The following CXorf58 variants were observed in gnomAD, a reference collection of about 807,000 sequenced individuals.
CXorf58 encodes the protein uncharacterized protein CXorf58.
A neutral mutation model predicts 26.0 loss-of-function variants in CXorf58; 24 were observed. That is an observed-to-expected ratio of 0.92 (90% CI 0.67 to 1.30). CXorf58 has a LOEUF of 1.30. CXorf58 is among the 50% of genes most tolerant of loss of function. The pLI, the probability that CXorf58 is intolerant of heterozygous loss-of-function variation, is 0.00. For synonymous variants in CXorf58, 87 were observed against 86.1 expected (o/e 1.01, Z -0.06); for missense variants, 236 against 263.9 (o/e 0.89, Z 0.73).
chrX:23,921,706 T>G (rs1203774674), intron 5 of CXorf58, among the ~76,000 whole-genome samples: 4 of 111,247 alleles, frequency 3.6e-5, no homozygotes, highest in Non-Finnish European at 5.7e-5. Context: ...TGTTGTTGTT[T>G]TTTAGACAAG....
intron 3 of CXorf58, 32 bp from the exon 4 acceptor site, chrX:23,915,668 C>T (rs1208425130): frequency 3.3e-6 from 3 of 920,600 alleles, no homozygotes; most frequent in African/African-American, 3.9e-5. Flanking sequence ...TGGGATACTG[C>T]TTTCCTTTTA....
intron 5 of CXorf58, among the ~76,000 whole-genome samples, chrX:23,917,390 T>C (rs1392456785): frequency 9.0e-6 from 1 of 110,594 alleles, no homozygotes; most frequent in Non-Finnish European, 1.9e-5. Flanking sequence ...TTATCCTTTT[T>C]TCACATGAAT....
At chrX:23,936,809 G>A (rs887605211) in intron 7 of CXorf58, among the ~76,000 whole-genome samples, 17 of 111,298 alleles carry the variant, frequency 1.5e-4, no homozygotes, top group South Asian at 3.8e-4. Flanking sequence ...CCAGACAGAT[G>A]GCCTGGTTTA....
intron 6 of CXorf58, among the ~76,000 whole-genome samples, chrX:23,931,327 G>C (rs1038851037): frequency 2.7e-5 from 3 of 112,290 alleles, no homozygotes; most frequent in African/African-American, 9.7e-5. Context: ...CTGGAAGAGA[G>C]AGATAAGATC....
chrX:23,917,347 A>AG lies in CXorf58; in HGVS notation c.423+1019_423+1020insG, dbSNP rs201795578. On this transcript the variant is annotated intron_variant, in intron 5 of 8. Coordinates refer to ENST00000379211, the MANE Select transcript of CXorf58 (RefSeq NM_152761.3). Reference sequence around the variant, plus strand: ...GAGATTCTATCTCAAAAAAAAAAAAAAAAAGAAAGAAAGAAAATGAACTTT... The same window carrying AG: ...GAGATTCTATCTCAAAAAAAAAAAAAGAAAAGAAAGAAAGAAAATGAACTTT... Among the ~76,000 whole-genome samples the AG allele has an allele frequency of 6.5e-3, 699 of 108,196 alleles. 9 individuals carry two copies. Among genetic ancestry groups the AG allele is most frequent in the African/African-American group, 0.023 (674 of 29,735 alleles). 94.0% of individuals were successfully genotyped at this position (108,196 alleles called of 115,157 possible).
rs1413323852 is a variant in CXorf58, at chrX:23,916,528, A to T, written c.423+200A>T. 3.5e-5 allele frequency: 10 copies of T among 282,692 alleles called. No individual in the cohort carries two copies. In the Admixed American group the frequency reaches 6.3e-4, roughly 18 times the overall value. 23.3% of individuals were successfully genotyped at this position (282,692 alleles called of 1,213,427 possible). Reference sequence around the variant, plus strand: ...AAAAAAAAAAAAAAAAGACATTTGGAGTGAATTACTTAATTAAGGCTCTAG... The same window carrying T: ...AAAAAAAAAAAAAAAAGACATTTGGTGTGAATTACTTAATTAAGGCTCTAG... On this transcript the variant is annotated intron_variant, in intron 5 of 8. Coordinates refer to ENST00000379211, the MANE Select transcript of CXorf58 (RefSeq NM_152761.3).
chrX:23,912,079 G>GT (rs760984453), intron 3 of CXorf58, among the ~76,000 whole-genome samples: 169 of 109,163 alleles, frequency 1.5e-3, no homozygotes, highest in African/African-American at 5.3e-3. Context: ...AGCCTCCCAA[G>GT]TAGCTGGGAC....
At chrX:23,910,188 A>G in intron 1 of CXorf58, 95 bp from the exon 2 acceptor site, 4 of 432,683 alleles carry the variant, frequency 9.2e-6, no homozygotes, top group Non-Finnish European at 1.2e-5. Flanking sequence ...TAAAGGATTC[A>G]GAATTAGTAC....
chrX:23,917,130 T>A lies in CXorf58; in HGVS notation c.423+802T>A, dbSNP rs1277300013. Among the ~76,000 whole-genome samples the A allele has an allele frequency of 8.5e-5, 9 of 105,534 alleles. No homozygotes were observed. In the East Asian group the frequency reaches 1.2e-3, roughly 14 times the overall value. 91.6% of individuals were successfully genotyped at this position (105,534 alleles called of 115,157 possible). A position where few individuals can be genotyped will look rare whatever the true frequency, so the allele number is the denominator to read the frequency against. The stretch of plus-strand genomic sequence containing the variant: ...CGGGCGAATCACCTGAGGTCAGGAG[T>A]TCAAGACCAGCCTGGCCAACATGGT... On this transcript the variant is annotated intron_variant, in intron 5 of 8. Coordinates refer to ENST00000379211, the MANE Select transcript of CXorf58 (RefSeq NM_152761.3).
chrX:23,919,303 A>G (rs1040051544), intron 5 of CXorf58, among the ~76,000 whole-genome samples: 6 of 111,773 alleles, frequency 5.4e-5, no homozygotes, highest in African/African-American at 2.0e-4. Context: ...ATTTTCAAAT[A>G]GCCTATCTTC....
intron 5 of CXorf58, among the ~76,000 whole-genome samples, chrX:23,917,124 C>G (rs1408619206): frequency 2.8e-5 from 3 of 108,587 alleles, no homozygotes; most frequent in South Asian, 4.0e-4. Flanking sequence ...CACCTGAGGT[C>G]AGGAGTTCAA....
Position 23,927,285 on chromosome X carries a change from G to T in CXorf58, c.470G>T (p.Arg157Leu). Residue 157 changes from arginine to leucine, a missense_variant, in exon 6 of 9, where the codon CGT (arginine) becomes CTT (leucine). Physicochemically the swap from Arg to Leu is moderately radical, Grantham distance 102. Coordinates refer to ENST00000379211, the MANE Select transcript of CXorf58 (RefSeq NM_152761.3). Reference sequence around the variant, plus strand: ...CTAATGGGGGAAAGGAAATTTCACCGTATAATTATGGAAGATGAACGTATT... The same window carrying T: ...CTAATGGGGGAAAGGAAATTTCACCTTATAATTATGGAAGATGAACGTATT... ...CKLMGERKFH[R>L]IIMEDERIFP... The T allele has an allele frequency of 8.6e-7, 1 of 1,159,970 alleles. No individual in the cohort carries two copies. Among genetic ancestry groups the T allele is most frequent in the African/African-American group, 1.8e-5 (1 of 55,935 alleles).
intron 6 of CXorf58, among the ~76,000 whole-genome samples, chrX:23,931,418 G>A (rs1928164872): frequency 8.9e-6 from 1 of 111,842 alleles, no homozygotes; most frequent in Non-Finnish European, 1.9e-5. Flanking sequence ...TCATCTTCAA[G>A]TTTGTAAATT....
intron 5 of CXorf58, among the ~76,000 whole-genome samples, chrX:23,921,688 G>T (rs181476606): frequency 8.7e-4 from 96 of 110,409 alleles, no homozygotes; most frequent in Non-Finnish European, 9.5e-4. Context: ...TTTGTTTTTT[G>T]TTGTTGTTGT....
intron 5 of CXorf58, among the ~76,000 whole-genome samples, chrX:23,916,863 C>T (rs369646429): frequency 1.0e-4 from 11 of 105,862 alleles, no homozygotes; most frequent in Admixed American, 6.1e-4. Flanking sequence ...GCACTCCAGC[C>T]TGGGCGACAC....
In CXorf58 at chrX:23,910,399, A is replaced by C. The variant is rs772530059; in HGVS notation, c.97A>C (p.Asn33His). The C allele has an allele frequency of 2.6e-6, 3 of 1,144,882 alleles. No individual in the cohort carries two copies. The Admixed American group carries it at 6.7e-5, about 25-fold the overall frequency. The allele number at this position is 1,144,882 out of a possible 1,213,427, so 94.4% of individuals were successfully genotyped here. ...CAGAGTACATTTCGCAAATGCACGAAATGCAAGATCATTACTATCGTAAGT... is the reference window on the plus strand; with the variant it reads ...CAGAGTACATTTCGCAAATGCACGACATGCAAGATCATTACTATCGTAAGT... Reference protein sequence around the residue: ...VRRVHFANARNARSLLSMLKD... With the variant: ...VRRVHFANARHARSLLSMLKD... The change falls in exon 2 of 9, where the codon AAT becomes CAT. Residue 33 changes from asparagine to histidine, a missense_variant. Coordinates refer to ENST00000379211, the MANE Select transcript of CXorf58 (RefSeq NM_152761.3).
upstream of CXorf58, chrX:23,907,936 A>C (rs1927451181): frequency 2.8e-6 from 1 of 355,507 alleles, no homozygotes; most frequent in Non-Finnish European, 4.8e-6. Flanking sequence ...GGTGAACGCA[A>C]ACCCCGCCCT....
chrX:23,933,887 A>C (rs1323925845), intron 6 of CXorf58, among the ~76,000 whole-genome samples: 5 of 108,393 alleles, frequency 4.6e-5, no homozygotes, highest in Admixed American at 3.0e-4. Flanking sequence ...TCCCCCCCAA[A>C]AAAAAAAAAA....
At chrX:23,919,213 C>A (rs980549143) in intron 5 of CXorf58, among the ~76,000 whole-genome samples, 1 of 111,510 alleles carries the variant, frequency 9.0e-6, no homozygotes, top group African/African-American at 3.3e-5. Context: ...TTAGATTCAC[C>A]CTTTTGAGGC....
Sources: allele counts gnomAD v4.1 joint callset (sites outside exome capture counted in the v4.1 genomes callset), GRCh38; gene constraint gnomAD v4.1.1; transcripts MANE v1.5; gene names NCBI Gene and HGNC (gene_info 2026-07-23, HGNC 2026-07-21).